The following LRRC4C variants were observed in gnomAD, a reference collection of about 807,000 sequenced individuals.
LRRC4C encodes the protein leucine rich repeat containing 4C, also known as leucine-rich repeat-containing protein 4C.
In LRRC4C, 5 loss-of-function variants were observed where a neutral mutation model predicts 33.6. The observed-to-expected ratio is 0.15, with a 90% CI of 0.08 to 0.31. The LOEUF (loss-of-function observed/expected upper bound fraction) is 0.31. Ranked by LOEUF, LRRC4C falls within the 10% of genes least tolerant of loss-of-function variation. The pLI, the probability that LRRC4C is intolerant of heterozygous loss-of-function variation, is 1.00. For missense variants in LRRC4C, 560 were observed against 796.7 expected (o/e 0.70, Z 3.58); for synonymous variants, 329 against 302.0 (o/e 1.09, Z -0.93).
At chr11:41,137,790 GA>G (rs1943330142) in intron 1 of LRRC4C, among the ~76,000 whole-genome samples, 1 of 152,172 alleles carries the variant, frequency 6.6e-6, no homozygotes, top group Non-Finnish European at 1.5e-5. Flanking sequence ...ATATTTTGAG[GA>G]AATATTTTAT....
intron 5 of LRRC4C, among the ~76,000 whole-genome samples, chr11:40,165,464 A>T (rs993333543): frequency 6.6e-6 from 1 of 152,166 alleles, no homozygotes; most frequent in African/African-American, 2.4e-5. Context: ...TATCCTCTTC[A>T]AAGGCTTTTA....
intron 1 of LRRC4C, among the ~76,000 whole-genome samples, chr11:40,971,939 A>G (rs1172671767): frequency 1.3e-5 from 2 of 152,032 alleles, no homozygotes; most frequent in African/African-American, 4.8e-5. Flanking sequence ...GTTTTGGTTG[A>G]TTTCTCATTT....
chr11:40,456,421 C>A (rs1952134370), intron 3 of LRRC4C, among the ~76,000 whole-genome samples: 1 of 151,148 alleles, frequency 6.6e-6, no homozygotes, highest in Non-Finnish European at 1.5e-5. Flanking sequence ...ACATAAAAGT[C>A]AAGGAAATCT....
At chr11:41,435,257 G>A (rs544730956) in intron 1 of LRRC4C, among the ~76,000 whole-genome samples, 153 of 152,284 alleles carry the variant, frequency 1.0e-3, no homozygotes, top group African/African-American at 3.5e-3. Flanking sequence ...GAGCATTCAT[G>A]TTAGAACAAT....
chr11:40,120,810 A>G (rs1855770287), intron 6 of LRRC4C, among the ~76,000 whole-genome samples: 1 of 152,154 alleles, frequency 6.6e-6, no homozygotes, highest in Non-Finnish European at 1.5e-5. Flanking sequence ...AGCCATGCTC[A>G]GTGGTCAAGA....
At chr11:40,487,606 T>A (rs1953929689) in intron 3 of LRRC4C, among the ~76,000 whole-genome samples, 1 of 151,510 alleles carries the variant, frequency 6.6e-6, no homozygotes, top group African/African-American at 2.4e-5. Context: ...ACTTGTCAAC[T>A]AGTAAAACAG....
chr11:40,956,337 C>T (rs1179197344), intron 1 of LRRC4C, among the ~76,000 whole-genome samples: 1 of 151,716 alleles, frequency 6.6e-6, no homozygotes, highest in Non-Finnish European at 1.5e-5. Flanking sequence ...AAACATTCTG[C>T]CTAAGTCTCA....
At chr11:41,242,386 C>T (rs771858580) in intron 1 of LRRC4C, among the ~76,000 whole-genome samples, 2 of 151,970 alleles carry the variant, frequency 1.3e-5, no homozygotes, top group Admixed American at 6.6e-5. Flanking sequence ...ATAATCACAC[C>T]CATTTGTGCT....
intron 2 of LRRC4C, among the ~76,000 whole-genome samples, chr11:40,825,557 T>A (rs1952126011): frequency 6.6e-6 from 1 of 151,980 alleles, no homozygotes; most frequent in Non-Finnish European, 1.5e-5. Context: ...AAAGTCACTT[T>A]AAATAATTAA....
At chr11:41,186,210 C>G (rs1461597689) in intron 1 of LRRC4C, among the ~76,000 whole-genome samples, 3 of 152,018 alleles carry the variant, frequency 2.0e-5, no homozygotes, top group Non-Finnish European at 4.4e-5. Flanking sequence ...TCAGTAAAAT[C>G]AGTAAATGCA....
chr11:40,885,602 C>T (rs76356758), intron 2 of LRRC4C, among the ~76,000 whole-genome samples: 7,702 of 152,124 alleles, frequency 0.051, 287 homozygotes, highest in African/African-American at 0.097. Context: ...TAGGCAGTAT[C>T]ATCAACAAAC....
At chr11:40,347,651 T>C (rs1459394476) in intron 3 of LRRC4C, among the ~76,000 whole-genome samples, 1 of 152,206 alleles carries the variant, frequency 6.6e-6, no homozygotes, top group Non-Finnish European at 1.5e-5. Flanking sequence ...TCTTGTTGCC[T>C]AGGCTGGATT....
chr11:40,436,456 C>G (rs1314276908), intron 3 of LRRC4C, among the ~76,000 whole-genome samples: 1 of 152,094 alleles, frequency 6.6e-6, no homozygotes, highest in Non-Finnish European at 1.5e-5. Context: ...AATTTCCTGG[C>G]CAGGAGAAAT....
intron 5 of LRRC4C, among the ~76,000 whole-genome samples, chr11:40,150,590 C>T (rs1178816970): frequency 6.6e-6 from 1 of 152,190 alleles, no homozygotes; most frequent in Non-Finnish European, 1.5e-5. Context: ...GCACACACCA[C>T]CATGCCTGGC....
intron 1 of LRRC4C, among the ~76,000 whole-genome samples, chr11:41,272,839 T>A (rs961321706): frequency 2.6e-5 from 4 of 152,152 alleles, no homozygotes; most frequent in African/African-American, 9.7e-5. Context: ...ATATCATTAT[T>A]TAAAGATCAG....
chr11:40,989,814 C>CACAG (rs1387250173), intron 1 of LRRC4C, among the ~76,000 whole-genome samples: 2 of 151,950 alleles, frequency 1.3e-5, no homozygotes, highest in Non-Finnish European at 2.9e-5. Context: ...GTCAGCCCTC[C>CACAG]ATATCCTTGC....
chr11:41,238,772 T>C (rs954119060), intron 1 of LRRC4C, among the ~76,000 whole-genome samples: 6 of 152,076 alleles, frequency 3.9e-5, no homozygotes, highest in African/African-American at 1.2e-4. Context: ...AAAGATCCAG[T>C]GTCAGGTAAT....
chr11:40,999,244 C>T (rs1366140160), intron 1 of LRRC4C, among the ~76,000 whole-genome samples: 10 of 152,044 alleles, frequency 6.6e-5, no homozygotes, highest in African/African-American at 2.2e-4. Context: ...CTGCACACCT[C>T]GCTCACACTG....
intron 3 of LRRC4C, among the ~76,000 whole-genome samples, chr11:40,422,692 CA>C (rs5791380): frequency 4.0e-4 from 57 of 143,622 alleles, no homozygotes; most frequent in African/African-American, 6.7e-4. Context: ...ACTCATTTTA[CA>C]AAAAAAAAAA....
Sources: gnomAD v4.1 joint callset for allele counts (sites outside exome capture counted in the v4.1 genomes callset) on GRCh38, gnomAD v4.1.1 for gene constraint, MANE v1.5 for transcripts, NCBI Gene and HGNC (gene_info 2026-07-23, HGNC 2026-07-21) for gene names.